The following POFUT1 variants were observed in gnomAD, a reference collection of about 807,000 sequenced individuals.
POFUT1 encodes the protein protein O-fucosyltransferase 1, also known as GDP-fucose protein O-fucosyltransferase 1.
A neutral mutation model predicts 42.4 loss-of-function variants in POFUT1; 16 were observed. The ratio of observed to expected loss-of-function variants is 0.38; its 90% confidence interval spans 0.26 to 0.57. The LOEUF (loss-of-function observed/expected upper bound fraction) is 0.57, where lower values mean the gene tolerates loss of function less well. POFUT1 is among the 20% of genes least tolerant of loss of function. POFUT1 has a pLI of 0.71. For synonymous variants in POFUT1, 206 were observed against 205.4 expected, an observed-to-expected ratio of 1.00 and a Z score of -0.03; for missense variants, 470 against 504.6, an observed-to-expected ratio of 0.93 and a Z score of 0.66.
intron 4 of POFUT1, chr20:32,223,515 C>A (rs2047400348): frequency 1.0e-6 from 1 of 985,360 alleles, no homozygotes; most frequent in Non-Finnish European, 1.2e-6. Flanking sequence ...CAGGGGGCCG[C>A]AGATCCTGGT....
chr20:32,220,927 G>A (rs1569155972), intron 4 of POFUT1, among the ~76,000 whole-genome samples: 1 of 152,118 alleles, frequency 6.6e-6, no homozygotes, highest in Non-Finnish European at 1.5e-5. Flanking sequence ...CATCCAGGGA[G>A]TGAGTGTCCC....
chr20:32,222,619 T>C lies in POFUT1; in HGVS notation c.543-5644T>C, dbSNP rs149474882. ...CGGGGTATGTTTGGCTGATAAGAAG[T>C]GTCTTTATTTTAGGCTGCCACGTAT... On this transcript the variant is annotated intron_variant, in intron 4 of 6. Transcript: ENST00000375749. 95 of 985,360 alleles carry C rather than the reference T, an allele frequency of 9.6e-5. No individual in the cohort carries two copies. The East Asian group carries it at 6.2e-3, about 65-fold the overall frequency. 61.0% of individuals were successfully genotyped at this position (985,360 alleles called of 1,614,324 possible). A position where few individuals can be genotyped will look rare whatever the true frequency, so the allele number is the denominator to read the frequency against.
At chr20:32,226,838 G>A (rs952596139) in intron 4 of POFUT1, among the ~76,000 whole-genome samples, 8 of 152,192 alleles carry the variant, frequency 5.3e-5, no homozygotes, top group African/African-American at 1.4e-4. Flanking sequence ...TTGTTTAACT[G>A]TTTACTTGTG....
Position 32,208,072 on chromosome 20 carries a change from C to A in POFUT1, c.124+7C>A. On this transcript the variant is annotated splice_region_variant and intron_variant, in intron 1 of 6. Transcript: ENST00000375749. The stretch of plus-strand genomic sequence containing the variant: ...CTCTACTGCCCCTGCATGGGTAAGG[C>A]CTCCCAAGCCCTCTGCTCAGATGGA... 6.5e-7 allele frequency: 1 copy of A among 1,544,574 alleles called. No homozygotes were observed. The highest frequency in any genetic ancestry group is 8.7e-7 in the Non-Finnish European group (1 of 1,149,138).
chr20:32,215,432 A>G lies in POFUT1; in HGVS notation c.410A>G (p.Lys137Arg), dbSNP rs745753667. ...GTGGCAGCCCAGCGAAGCCCAGATAAGAAGACGTGCCCCATGAAGGTGGGT... is the reference window on the plus strand; with the variant it reads ...GTGGCAGCCCAGCGAAGCCCAGATAGGAAGACGTGCCCCATGAAGGTGGGT... ...FEVAAQRSPD[K>R]KTCPMKEGNP... is the part of the protein sequence containing the mutation. Residue 137 changes from lysine to arginine, a missense_variant, in exon 3 of 7, where the codon AAG becomes AGG. Coordinates refer to ENST00000375749, the MANE Select transcript of POFUT1 (RefSeq NM_015352.2). 1 of 1,611,954 alleles carries G rather than the reference A, an allele frequency of 6.2e-7. No homozygotes were observed. The highest frequency in any genetic ancestry group is 8.5e-7 in the Non-Finnish European group (1 of 1,178,502).
At chr20:32,211,888 T>G (rs2047331137) in intron 2 of POFUT1, among the ~76,000 whole-genome samples, 1 of 152,160 alleles carries the variant, frequency 6.6e-6, no homozygotes, top group African/African-American at 2.4e-5. Context: ...CAATCTAACC[T>G]CTCAGCATTT....
At chr20:32,229,802 A>G (rs1001206995) in intron 5 of POFUT1, among the ~76,000 whole-genome samples, 3 of 144,558 alleles carry the variant, frequency 2.1e-5, no homozygotes, top group Non-Finnish European at 4.5e-5. Flanking sequence ...ACAGAGTCTC[A>G]CTCCATTGCC....
chr20:32,210,632 A>G (rs1412600043), intron 2 of POFUT1, among the ~76,000 whole-genome samples: 2 of 152,208 alleles, frequency 1.3e-5, no homozygotes, highest in Non-Finnish European at 2.9e-5. Context: ...GGAGACATGC[A>G]GGCACAGGTT....
intron 4 of POFUT1, among the ~76,000 whole-genome samples, chr20:32,226,611 C>T (rs2047416076): frequency 6.6e-6 from 1 of 152,162 alleles, no homozygotes; most frequent in Admixed American, 6.5e-5. Context: ...AACATATACA[C>T]CCCATTCCTA....
At chr20:32,212,859 GGCAAAA>G (rs1266179535) in intron 2 of POFUT1, among the ~76,000 whole-genome samples, 1 of 151,968 alleles carries the variant, frequency 6.6e-6, no homozygotes, top group African/African-American at 2.4e-5. Context: ...TAGGATTACA[GGCAAAA>G]GCCACTGCGC....
At position 32,228,418 on chromosome 20, in the gene POFUT1, C is replaced by T. The variant is rs749943685; in HGVS notation, c.698C>T (p.Pro233Leu). ...CAGATTCATGCCCACCTTGTCCGGCCCTATGTGGGCATTCATCTGCGCATT... is the reference window on the plus strand; with the variant it reads ...CAGATTCATGCCCACCTTGTCCGGCTCTATGTGGGCATTCATCTGCGCATT... ...EAQIHAHLVR[P>L]YVGIHLRIGS... is the part of the protein sequence containing the mutation. Residue 233 changes from proline (P) to leucine (L), a missense_variant, in exon 5 of 7, where the codon CCC (proline) becomes CTC (leucine). Physicochemically the swap from Pro to Leu is moderately conservative, Grantham distance 98. Coordinates refer to ENST00000375749, the MANE Select transcript of POFUT1 (RefSeq NM_015352.2). 1.9e-6 allele frequency: 3 copies of T among 1,614,004 alleles called. No individual in the cohort carries two copies. Among genetic ancestry groups the T allele is most frequent in the Non-Finnish European group, 2.5e-6 (3 of 1,179,988 alleles).
rs759291283 is a variant in POFUT1 at position 32,230,829 on chromosome 20, G to A, written c.746G>A (p.Cys249Tyr). 1.2e-6 allele frequency: 2 copies of A among 1,613,650 alleles called. No homozygotes were observed. The highest frequency in any genetic ancestry group is 1.7e-6 in the Non-Finnish European group (2 of 1,180,034). Residue 249 changes from cysteine (C) to tyrosine (Y), a missense_variant, in exon 6 of 7, where the codon TGT (cysteine) becomes TAT (tyrosine). Coordinates refer to ENST00000375749, the MANE Select transcript of POFUT1 (RefSeq NM_015352.2). ...LRIGSDWKNA[C>Y]AMLKDGTAGS... ...CCCCGCTCTCCGTAGAAGAACGCCT[G>A]TGCCATGCTGAAGGACGGGACTGCA...
rs115355561 is a variant in POFUT1 at position 32,228,228 on chromosome 20, G to A, written c.543-35G>A. 2,942 of 1,577,978 alleles carry A rather than the reference G, an allele frequency of 1.9e-3. 58 individuals carry two copies. The African/African-American group carries it at 0.035, about 19-fold the overall frequency. The stretch of plus-strand genomic sequence containing the variant: ...GGGGTGGCAGCCAGGCTCTCTGTGC[G>A]TCCTCTGACTTCCCTCATTCCATCT... On this transcript the variant is annotated intron_variant, in intron 4 of 6. Transcript: ENST00000375749.
intron 4 of POFUT1, among the ~76,000 whole-genome samples, chr20:32,218,312 T>G (rs1427203719): frequency 6.6e-6 from 1 of 152,096 alleles, no homozygotes; most frequent in African/African-American, 2.4e-5. Flanking sequence ...AATATTTTGT[T>G]TTGTTTTGTA....
intron 4 of POFUT1, among the ~76,000 whole-genome samples, chr20:32,221,762 A>T (rs1244659476): frequency 6.6e-6 from 1 of 151,640 alleles, no homozygotes; most frequent in Non-Finnish European, 1.5e-5. Context: ...GCAGTAGGGG[A>T]CCAAGTTCCA....
At chr20:32,216,993 A>G (rs775976159) in intron 4 of POFUT1, 6 of 1,612,592 alleles carry the variant, frequency 3.7e-6, no homozygotes, top group Non-Finnish European at 5.1e-6. Flanking sequence ...CATGAGTCTC[A>G]ATTTCCTCCT....
chr20:32,216,680 C>A lies in POFUT1; in HGVS notation c.501C>A (p.Gly167=). 2 of 1,613,582 alleles carry A rather than the reference C, an allele frequency of 1.2e-6. No individual in the cohort carries two copies. The highest frequency in any genetic ancestry group is 1.1e-5 in the South Asian group (1 of 91,076). Residue 167 remains glycine, a synonymous_variant, in exon 4 of 7, where the codon GGC becomes GGA. Transcript: ENST00000375749. ...VSFNKSELFT[G]ISFSASYREQ... is the part of the protein sequence containing the mutation. ...TCAACAAGTCGGAGCTTTTTACAGG[C>A]ATTTCCTTCAGTGCTTCCTACAGAG...
chr20:32,213,723 A>G (rs2047343455), intron 2 of POFUT1, among the ~76,000 whole-genome samples: 1 of 152,078 alleles, frequency 6.6e-6, no homozygotes, highest in Admixed American at 6.5e-5. Flanking sequence ...GTGAGCTGAG[A>G]TCACGCCATT....
At chr20:32,233,066 T>C (rs1339494051) in intron 6 of POFUT1, among the ~76,000 whole-genome samples, 2 of 152,210 alleles carry the variant, frequency 1.3e-5, no homozygotes, top group Non-Finnish European at 2.9e-5. Flanking sequence ...ACCTGTCCAC[T>C]CACCAGATTT....
Sources: gnomAD v4.1 joint callset for allele counts (sites outside exome capture counted in the v4.1 genomes callset) on GRCh38, gnomAD v4.1.1 for gene constraint, MANE v1.5 for transcripts, NCBI Gene and HGNC (gene_info 2026-07-23, HGNC 2026-07-21) for gene names.